TRPM7: variants seen among roughly 807,000 people sequenced by gnomAD.
TRPM7 encodes transient receptor potential cation channel subfamily M member 7.
In TRPM7, 134 loss-of-function variants were observed where a neutral mutation model predicts 229.7. That is an observed-to-expected ratio of 0.58 (90% CI 0.51 to 0.67). TRPM7 has a LOEUF of 0.67. Among genes scored for constraint, TRPM7 ranks in the 30% least tolerant of loss-of-function variants. TRPM7 has a pLI of 0.00. For missense variants in TRPM7, 1,901 were observed against 2,210.0 expected, an observed-to-expected ratio of 0.86 and a Z score of 2.80; for synonymous variants, 699 against 715.2, an observed-to-expected ratio of 0.98 and a Z score of 0.36.
intron 6 of TRPM7, among the ~76,000 whole-genome samples, chr15:50,638,347 A>T: frequency 8.8e-6 from 1 of 114,116 alleles, no homozygotes; most frequent in Non-Finnish European, 1.7e-5. Context: ...CGACAGAGCG[A>T]GACTCCGTCT....
At chr15:50,590,697 GC>G (rs1167606258) in intron 26 of TRPM7, among the ~76,000 whole-genome samples, 2 of 152,080 alleles carry the variant, frequency 1.3e-5, no homozygotes, top group Non-Finnish European at 2.9e-5. Flanking sequence ...GGTGGCGTGT[GC>G]CTGTAATCTC....
At chr15:50,573,468 C>T (rs558942269) in intron 36 of TRPM7, among the ~76,000 whole-genome samples, 46 of 152,334 alleles carry the variant, frequency 3.0e-4, no homozygotes, top group African/African-American at 1.1e-3. Flanking sequence ...TGTTCAATGT[C>T]TCCAGCCATT....
At chr15:50,620,006 G>A (rs1169967725) in intron 12 of TRPM7, among the ~76,000 whole-genome samples, 2 of 152,176 alleles carry the variant, frequency 1.3e-5, no homozygotes, top group African/African-American at 4.8e-5. Context: ...TGATACATAA[G>A]TTTTTGTTTC....
chr15:50,564,008 G>A (rs1596041333), intron 38 of TRPM7, among the ~76,000 whole-genome samples: 1 of 152,028 alleles, frequency 6.6e-6, no homozygotes, highest in South Asian at 2.1e-4. Flanking sequence ...TTACAGGCCT[G>A]TGACACCACA....
At chr15:50,616,729 G>A (rs1038132024) in intron 13 of TRPM7, among the ~76,000 whole-genome samples, 1 of 151,766 alleles carries the variant, frequency 6.6e-6, no homozygotes, top group Non-Finnish European at 1.5e-5. Context: ...TGTCCAGGCT[G>A]GAGTGCAATG....
At chr15:50,593,833 G>A in intron 24 of TRPM7, 84 bp from the exon 25 acceptor site, 1 of 1,376,424 alleles carries the variant, frequency 7.3e-7, no homozygotes, top group Non-Finnish European at 9.9e-7. Flanking sequence ...ATTATTCAGG[G>A]TTTCTAAGAC....
chr15:50,645,256 G>A (rs770294337), intron 4 of TRPM7, among the ~76,000 whole-genome samples: 1 of 152,166 alleles, frequency 6.6e-6, no homozygotes, highest in Non-Finnish European at 1.5e-5. Flanking sequence ...TGCCCAGGCT[G>A]GTCTTGAACT....
At chr15:50,608,188 G>T (rs1323518740) in intron 19 of TRPM7, among the ~76,000 whole-genome samples, 2 of 152,094 alleles carry the variant, frequency 1.3e-5, no homozygotes, top group Admixed American at 6.6e-5. Flanking sequence ...ATGTGAAGTG[G>T]CTTTGACCCA....
chr15:50,663,060 T>G lies in TRPM7; in HGVS notation c.4-14A>C, dbSNP rs761763129. 6.3e-7 allele frequency: 1 copy of G among 1,596,302 alleles called. No individual in the cohort carries two copies. The highest frequency in any genetic ancestry group is 1.1e-5 in the South Asian group (1 of 90,478). On this transcript the variant is annotated splice_polypyrimidine_tract_variant and intron_variant, in intron 1 of 38. Coordinates refer to ENST00000646667, the MANE Select transcript of TRPM7 (RefSeq NM_017672.6). ...GGATTTCTGGGACTAAAACAAAATG[T>G]TTTAAAGAATTGTTTATAAGTTAAC...
At position 50,557,911 on chromosome 15, in the gene TRPM7, T is replaced by C. The variant is rs1290668705; in HGVS notation, c.*3767A>G. The C allele has an allele frequency of 2.0e-5, 3 of 152,250 alleles. No homozygotes were observed. The highest frequency in any genetic ancestry group is 2.9e-5 in the Non-Finnish European group (2 of 68,066). 9.4% of individuals were successfully genotyped at this position (152,250 alleles called of 1,614,324 possible). On this transcript the variant is annotated 3_prime_UTR_variant, in exon 39 of 39. Coordinates refer to ENST00000646667, the MANE Select transcript of TRPM7 (RefSeq NM_017672.6). ...CACCCACCTTGGCCTCCCAAAGTGA[T>C]GGAATTACAGGCGTGAGCCACTGCA...
chr15:50,592,036 T>C lies in TRPM7; in HGVS notation c.4199A>G (p.Lys1400Arg), dbSNP rs2059512768. ...SIPHLSSPPTKFFVSTPSQPS... is the reference protein window; with the variant it reads ...SIPHLSSPPTRFFVSTPSQPS... Reference sequence around the variant, plus strand: ...CTGAGATGGTGTACTAACAAAAAATTTGGTTGGTGGGGATGACAGATGTGG... The same window carrying C: ...CTGAGATGGTGTACTAACAAAAAATCTGGTTGGTGGGGATGACAGATGTGG... Residue 1400 changes from lysine to arginine, a missense_variant, in exon 26 of 39, where the codon AAA becomes AGA. Physicochemically the swap from Lys to Arg is conservative, Grantham distance 26. Transcript: ENST00000646667. 1.9e-6 allele frequency: 3 copies of C among 1,613,360 alleles called. No homozygotes were observed. Among genetic ancestry groups the C allele is most frequent in the Non-Finnish European group, 2.5e-6 (3 of 1,179,724 alleles).
chr15:50,646,702 C>T (rs2140815472), intron 4 of TRPM7, among the ~76,000 whole-genome samples: 1 of 152,198 alleles, frequency 6.6e-6, no homozygotes, highest in African/African-American at 2.4e-5. Flanking sequence ...TCAAATATTC[C>T]AAAGGTTCCT....
At chr15:50,579,654 A>G (rs1407189859) in intron 30 of TRPM7, among the ~76,000 whole-genome samples, 1 of 152,170 alleles carries the variant, frequency 6.6e-6, no homozygotes, top group East Asian at 1.9e-4. Flanking sequence ...TATAAAAGAA[A>G]ATATTCCTTG....
chr15:50,598,789 C>T (rs577525834), intron 22 of TRPM7, among the ~76,000 whole-genome samples: 8 of 152,200 alleles, frequency 5.3e-5, no homozygotes, highest in African/African-American at 1.9e-4. Context: ...AGTTGGCAGC[C>T]GGAAGAAAAA....
Position 50,594,471 on chromosome 15 carries a change from T to C in TRPM7, c.3433A>G (p.Ile1145Val), listed in dbSNP as rs34711809. 6.2e-7 allele frequency: 1 copy of C among 1,612,920 alleles called. No individual in the cohort carries two copies. Among genetic ancestry groups the C allele is most frequent in the East Asian group, 2.2e-5 (1 of 44,732 alleles). The change falls in exon 24 of 39, where the codon ATA (isoleucine) becomes GTA (valine). Residue 1145 changes from isoleucine to valine, a missense_variant. By Grantham distance (29) the Ile-to-Val change is conservative (BLOSUM62 3). Transcript: ENST00000646667. ...LSHIVSLFCCICKRRKKDKTS... is the reference protein window; with the variant it reads ...LSHIVSLFCCVCKRRKKDKTS... Reference sequence around the variant, plus strand: ...TTATCTTTCTTTCTTCTCTTACATATGCAGCAAAACAGAGAAACTATATGG... The same window carrying C: ...TTATCTTTCTTTCTTCTCTTACATACGCAGCAAAACAGAGAAACTATATGG...
chr15:50,656,469 TA>T (rs1315099981), intron 3 of TRPM7, among the ~76,000 whole-genome samples: 1 of 151,574 alleles, frequency 6.6e-6, no homozygotes, highest in African/African-American at 2.4e-5. Flanking sequence ...AGGTACATGA[TA>T]CCATGCCAAG....
chr15:50,656,026 T>G (rs1596317608), intron 3 of TRPM7, among the ~76,000 whole-genome samples: 1 of 150,006 alleles, frequency 6.7e-6, no homozygotes, highest in Non-Finnish European at 1.5e-5. Flanking sequence ...AAAAAACCCC[T>G]GCTGCAATAA....
At chr15:50,575,546 T>A (rs1344417295) in intron 33 of TRPM7, among the ~76,000 whole-genome samples, 178 bp downstream of exon 33, 1 of 152,222 alleles carries the variant, frequency 6.6e-6, no homozygotes, top group Non-Finnish European at 1.5e-5. Context: ...AAACTCAATA[T>A]TTCTGATGCT....
chr15:50,662,880 A>G, intron 2 of TRPM7, 87 bp downstream of exon 2: 1 of 908,172 alleles, frequency 1.1e-6, no homozygotes, highest in African/African-American at 1.7e-5. Flanking sequence ...TAATTTATTT[A>G]GTGGTTTTTG....
Sources: gnomAD v4.1 joint callset for allele counts (sites outside exome capture counted in the v4.1 genomes callset) on GRCh38, gnomAD v4.1.1 for gene constraint, MANE v1.5 for transcripts, NCBI Gene and HGNC (gene_info 2026-07-23, HGNC 2026-07-21) for gene names.